The following MTF1 variants were observed in gnomAD, a reference collection of about 807,000 sequenced individuals.
The protein encoded by MTF1 is metal regulatory transcription factor 1.
MTF1 carries 22 observed loss-of-function variants against 70.4 expected under a neutral mutation model. That is an observed-to-expected ratio of 0.31 (90% CI 0.22 to 0.45). MTF1 has a LOEUF of 0.45. Among genes scored for constraint, MTF1 ranks in the 20% least tolerant of loss-of-function variants. MTF1 has a pLI of 1.00. For synonymous variants in MTF1, 333 were observed against 352.8 expected, an observed-to-expected ratio of 0.94 and a Z score of 0.63; for missense variants, 649 against 922.0, an observed-to-expected ratio of 0.70 and a Z score of 3.83.
Position 37,817,496 on chromosome 1 carries a change from A to C in MTF1, c.1768-14T>G. On this transcript the variant is annotated splice_polypyrimidine_tract_variant and intron_variant, in intron 9 of 10. Coordinates refer to ENST00000373036, the MANE Select transcript of MTF1 (RefSeq NM_005955.3). ...AGATGCTTGCTGCTGAAAAAAGAAA[A>C]AGAAATCTCATTTATAGCCACTGTA... 6.3e-7 allele frequency: 1 copy of C among 1,599,284 alleles called. No homozygotes were observed. The highest frequency in any genetic ancestry group is 8.6e-7 in the Non-Finnish European group (1 of 1,166,600).
chr1:37,825,640 T>G (rs776149617), intron 7 of MTF1, among the ~76,000 whole-genome samples: 2 of 152,094 alleles, frequency 1.3e-5, no homozygotes, highest in Non-Finnish European at 2.9e-5. Context: ...GGACTTATAC[T>G]TGGGACTTTT....
At chr1:37,837,337 A>C (rs1641185432) in intron 4 of MTF1, among the ~76,000 whole-genome samples, 1 of 152,134 alleles carries the variant, frequency 6.6e-6, no homozygotes, top group Non-Finnish European at 1.5e-5. Context: ...GATTACAGAC[A>C]TAAGCCCAGC....
At chr1:37,859,263 G>A (rs1407373106) in intron 1 of MTF1, among the ~76,000 whole-genome samples, 1 of 152,180 alleles carries the variant, frequency 6.6e-6, no homozygotes, top group Non-Finnish European at 1.5e-5. Flanking sequence ...AAAGGAACCT[G>A]TCTGGGATAG....
At chr1:37,850,242 A>C (rs963138328) in intron 2 of MTF1, among the ~76,000 whole-genome samples, 2 of 7,798 alleles carry the variant, frequency 2.6e-4, no homozygotes, top group Non-Finnish European at 6.6e-3. Context: ...GTCTCAACCA[A>C]AAAAAAAAAA....
chr1:37,823,374 G>A (rs1204828076), intron 8 of MTF1, among the ~76,000 whole-genome samples: 1 of 152,026 alleles, frequency 6.6e-6, no homozygotes, highest in Non-Finnish European at 1.5e-5. Flanking sequence ...GCCTGGAGGT[G>A]GAGGTTGCGG....
rs473186 is a variant in MTF1, at chr1:37,810,709, C to G, written c.*4427G>C. ...TTTGCATATTGGATCTATGAAAATCCTTCTGCTTTGGCTGAAGTATATTCT... is the reference window on the plus strand; with the variant it reads ...TTTGCATATTGGATCTATGAAAATCGTTCTGCTTTGGCTGAAGTATATTCT... On this transcript the variant is annotated 3_prime_UTR_variant, in exon 11 of 11. Coordinates refer to ENST00000373036, the MANE Select transcript of MTF1 (RefSeq NM_005955.3). 1 of 152,238 alleles carries G rather than the reference C, an allele frequency of 6.6e-6. No homozygotes were observed. The highest frequency in any genetic ancestry group is 2.4e-5 in the African/African-American group (1 of 41,444). The allele number at this position is 152,238 out of a possible 1,614,324, so 9.4% of individuals were successfully genotyped here. A position where few individuals can be genotyped will look rare whatever the true frequency, so the allele number is the denominator to read the frequency against.
rs753022140 is a variant in MTF1, at chr1:37,822,753, C to T, written c.1172-37G>A. 663 of 1,480,102 alleles carry T rather than the reference C, an allele frequency of 4.5e-4. 2 individuals carry two copies. The highest frequency in any genetic ancestry group is 7.0e-4 in the Middle Eastern group (4 of 5,680). The allele number at this position is 1,480,102 out of a possible 1,614,324, so 91.7% of individuals were successfully genotyped here. ...AAGAAATAGAAATATATATACATAT[C>T]CCAAGCCTTAGATGAGCCACAAAAA... is the stretch of plus-strand genomic sequence containing the variant. On this transcript the variant is annotated intron_variant, in intron 8 of 10. Transcript: ENST00000373036.
At chr1:37,828,146 A>C (rs1641031892) in intron 7 of MTF1, 1 of 411,696 alleles carries the variant, frequency 2.4e-6, no homozygotes, top group Non-Finnish European at 4.7e-6. Flanking sequence ...CACATAAACA[A>C]GTATATGATT....
intron 9 of MTF1, 54 bp downstream of exon 9, chr1:37,822,067 T>C: frequency 1.4e-6 from 2 of 1,384,970 alleles, no homozygotes; most frequent in East Asian, 4.6e-5. Context: ...TCTGAACATG[T>C]CACCTATGTA....
chr1:37,827,354 A>G (rs1243034010), intron 7 of MTF1, among the ~76,000 whole-genome samples: 1 of 149,072 alleles, frequency 6.7e-6, no homozygotes, highest in Admixed American at 6.7e-5. Flanking sequence ...TATTATTATT[A>G]TTATTATTAT....
chr1:37,852,116 T>C (rs986146632), intron 2 of MTF1, among the ~76,000 whole-genome samples: 1 of 152,156 alleles, frequency 6.6e-6, no homozygotes, highest in Non-Finnish European at 1.5e-5. Context: ...AGTCGACCCA[T>C]CTCTTTGACT....
At chr1:37,825,369 G>A (rs1640987901) in intron 7 of MTF1, among the ~76,000 whole-genome samples, 1 of 151,838 alleles carries the variant, frequency 6.6e-6, no homozygotes, top group Admixed American at 6.6e-5. Flanking sequence ...CCAAGTAGCT[G>A]GGACCACAGG....
chr1:37,826,275 G>A (rs1042325098), intron 7 of MTF1, among the ~76,000 whole-genome samples: 1 of 152,058 alleles, frequency 6.6e-6, no homozygotes, highest in East Asian at 1.9e-4. Flanking sequence ...AGCCAAAAGG[G>A]AGCAATTCTT....
At chr1:37,838,342 T>A (rs751290593) in intron 4 of MTF1, among the ~76,000 whole-genome samples, 4 of 152,112 alleles carry the variant, frequency 2.6e-5, no homozygotes, top group Admixed American at 6.5e-5. Context: ...CTAGCACTAA[T>A]AAAAGTACCC....
intron 2 of MTF1, among the ~76,000 whole-genome samples, chr1:37,856,695 T>C (rs1641502074): frequency 6.6e-6 from 1 of 151,400 alleles, no homozygotes. Context: ...AGACAGGGTT[T>C]CACCATGTTG....
chr1:37,825,584 C>T (rs977468487), intron 7 of MTF1, among the ~76,000 whole-genome samples: 31 of 152,256 alleles, frequency 2.0e-4, no homozygotes, highest in South Asian at 6.2e-4. Flanking sequence ...TAAATAAAAG[C>T]AAGTACAGCT....
chr1:37,810,948 A>G lies in MTF1; in HGVS notation c.*4188T>C, dbSNP rs1640719835. On this transcript the variant is annotated 3_prime_UTR_variant, in exon 11 of 11. Transcript: ENST00000373036. Reference sequence around the variant, plus strand: ...CCCTGCCACCCATGCCTCCCCAAACATATTTCTGATTGGTGGTGTAAGACA... The same window carrying G: ...CCCTGCCACCCATGCCTCCCCAAACGTATTTCTGATTGGTGGTGTAAGACA... 1 of 152,726 alleles carries G rather than the reference A, an allele frequency of 6.5e-6. No individual in the cohort carries two copies. The highest frequency in any genetic ancestry group is 1.5e-5 in the Non-Finnish European group (1 of 68,032). 9.5% of individuals were successfully genotyped at this position (152,726 alleles called of 1,614,324 possible).
intron 7 of MTF1, among the ~76,000 whole-genome samples, chr1:37,829,287 TA>T (rs572894547): frequency 5.9e-5 from 9 of 151,536 alleles, no homozygotes; most frequent in South Asian, 2.1e-4. Flanking sequence ...AGGTCTCTAT[TA>T]AAAAAAATAT....
In MTF1 at chr1:37,857,626, G is replaced by A. The variant is rs774295052; in HGVS notation, c.33C>T (p.Ile11=). 2 of 1,614,024 alleles carry A rather than the reference G, an allele frequency of 1.2e-6. No homozygotes were observed. Among genetic ancestry groups the A allele is most frequent in the Non-Finnish European group, 8.5e-7 (1 of 1,180,034 alleles). Residue 11 remains isoleucine (I), a synonymous_variant, in exon 2 of 11, where the codon ATC becomes ATT. Transcript: ENST00000373036. ...GCTCATCTTCCTCTGCCTCAAAGTA[G>A]ATGATGTTGTTGTCTGGACTGTGTT... MGEHSPDNNI[I]YFEAEEDELT...
Sources: gnomAD v4.1 joint callset for allele counts (sites outside exome capture counted in the v4.1 genomes callset) on GRCh38, gnomAD v4.1.1 for gene constraint, MANE v1.5 for transcripts, NCBI Gene and HGNC (gene_info 2026-07-23, HGNC 2026-07-21) for gene names.